Variants in DAB1 observed in about 807,000 individuals in gnomAD.
DAB1 encodes disabled homolog 1.
DAB1 carries 15 observed loss-of-function variants against 64.6 expected under a neutral mutation model. The ratio of observed to expected loss-of-function variants is 0.23; its 90% CI spans 0.16 to 0.36. DAB1 has a LOEUF of 0.36. Ranked by LOEUF, DAB1 falls within the 10% of genes least tolerant of loss-of-function variation. The probability of loss-of-function intolerance (pLI) is 1.00; values close to 1 mark genes in which losing one functional copy is unlikely to be tolerated. For synonymous variants in DAB1, 235 were observed against 251.9 expected (o/e 0.93, Z 0.64); for missense variants, 596 against 706.7 (o/e 0.84, Z 1.78).
chr1:57,153,654 T>G (rs954221272), intron 2 of DAB1, among the ~76,000 whole-genome samples: 1 of 152,056 alleles, frequency 6.6e-6, no homozygotes, highest in African/African-American at 2.4e-5. Context: ...TTGTTTGTTT[T>G]TGAGACGGAG....
chr1:57,661,140 A>AT lies in DAB1; in HGVS notation n.552-11476_552-11475insA, dbSNP rs535284882. Among the ~76,000 whole-genome samples, 372 of 152,128 alleles carry AT rather than the reference A, an allele frequency of 2.4e-3. 2 individuals carry two copies. Among genetic ancestry groups the AT allele is most frequent in the African/African-American group, 8.8e-3 (364 of 41,482 alleles). On this transcript the variant is annotated intron_variant and non_coding_transcript_variant, in intron 6 of 20. Transcript: ENST00000485760. ...TTGGATAGTCTGGGGGAAAAAAAAA[A>AT]GGTACTAGTGAAGAAATTTTCTCAC...
At chr1:57,670,053 G>A (rs1646492458) in intron 6 of DAB1, among the ~76,000 whole-genome samples, 1 of 152,094 alleles carries the variant, frequency 6.6e-6, no homozygotes, top group East Asian at 1.9e-4. Flanking sequence ...AAGGGTATCT[G>A]TATATTTATT....
chr1:58,255,093 C>A (rs1293087571), intron 4 of DAB1, among the ~76,000 whole-genome samples: 1 of 126,490 alleles, frequency 7.9e-6, no homozygotes, highest in African/African-American at 3.2e-5. Context: ...GATTGCCATT[C>A]TAACTGGTGT....
intron 4 of DAB1, among the ~76,000 whole-genome samples, chr1:57,073,093 C>G (rs543972150): frequency 6.6e-6 from 1 of 152,306 alleles, no homozygotes; most frequent in South Asian, 2.1e-4. Context: ...AGTGAAACTT[C>G]CTCTGAACAA....
At chr1:58,166,756 T>C (rs922386915) in intron 4 of DAB1, among the ~76,000 whole-genome samples, 2 of 151,742 alleles carry the variant, frequency 1.3e-5, no homozygotes, top group Non-Finnish European at 2.9e-5. Context: ...GTTCGTTTTT[T>C]TTTTTTTTTA....
chr1:57,417,603 C>A (rs1193477830), intron 1 of DAB1, among the ~76,000 whole-genome samples: 1 of 152,150 alleles, frequency 6.6e-6, no homozygotes, highest in African/African-American at 2.4e-5. Context: ...TTTAACATAT[C>A]AGTAAATACC....
chr1:58,353,178 T>G (rs1246753877), intron 3 of DAB1, among the ~76,000 whole-genome samples: 7 of 152,182 alleles, frequency 4.6e-5, no homozygotes, highest in Non-Finnish European at 1.0e-4. Context: ...AATATTTTTT[T>G]CTGATCAAAT....
chr1:58,208,726 T>C (rs1658406300), intron 4 of DAB1, among the ~76,000 whole-genome samples: 1 of 152,202 alleles, frequency 6.6e-6, no homozygotes, highest in African/African-American at 2.4e-5. Flanking sequence ...GCTTTTGCAA[T>C]TGTGAATGGT....
intron 3 of DAB1, among the ~76,000 whole-genome samples, chr1:58,354,573 T>C (rs1644091271): frequency 6.6e-6 from 1 of 152,184 alleles, no homozygotes; most frequent in Non-Finnish European, 1.5e-5. Context: ...GGTCTTTTCT[T>C]AAAGGTCTTT....
At chr1:57,909,225 A>G (rs553914519) in intron 5 of DAB1, among the ~76,000 whole-genome samples, 17 of 152,276 alleles carry the variant, frequency 1.1e-4, no homozygotes, top group African/African-American at 3.6e-4. Context: ...GGTGAGTCAC[A>G]TTTCCACTCT....
At chr1:57,335,650 C>A (rs1158755735) in intron 1 of DAB1, among the ~76,000 whole-genome samples, 1 of 152,112 alleles carries the variant, frequency 6.6e-6, no homozygotes, top group African/African-American at 2.4e-5. Flanking sequence ...TGCATAATTC[C>A]TTGAAATTTA....
intron 3 of DAB1, among the ~76,000 whole-genome samples, chr1:58,478,835 T>C (rs1401017805): frequency 6.6e-6 from 1 of 152,208 alleles, no homozygotes; most frequent in Non-Finnish European, 1.5e-5. Context: ...CAGCCTATCA[T>C]CTAAATCCTA....
At chr1:57,698,112 G>T (rs1342217460) in intron 6 of DAB1, among the ~76,000 whole-genome samples, 2 of 150,460 alleles carry the variant, frequency 1.3e-5, no homozygotes, top group East Asian at 2.0e-4. Context: ...TTTAGACAGG[G>T]TCTTGTTCTG....
chr1:58,155,317 A>G (rs1337149308), intron 4 of DAB1, among the ~76,000 whole-genome samples: 1 of 152,214 alleles, frequency 6.6e-6, no homozygotes, highest in Non-Finnish European at 1.5e-5. Flanking sequence ...CAATGTCTGA[A>G]GACAGTCTTA....
At chr1:57,087,336 C>T (rs531908136) in intron 4 of DAB1, among the ~76,000 whole-genome samples, 11 of 152,334 alleles carry the variant, frequency 7.2e-5, no homozygotes, top group East Asian at 5.8e-4. Flanking sequence ...GTAATCAGGG[C>T]AAGTTAGCCT....
intron 4 of DAB1, among the ~76,000 whole-genome samples, chr1:58,170,371 C>G (rs1285797278): frequency 6.6e-6 from 1 of 152,174 alleles, no homozygotes; most frequent in Admixed American, 6.5e-5. Flanking sequence ...ATAGACTCCC[C>G]TGTCACCCAA....
At chr1:57,583,323 GTA>G (rs1170300378) in intron 7 of DAB1, among the ~76,000 whole-genome samples, 2 of 136,268 alleles carry the variant, frequency 1.5e-5, no homozygotes, top group African/African-American at 5.6e-5. Context: ...ATCTCGCCCT[GTA>G]GCCCAGGCTG....
intron 7 of DAB1, among the ~76,000 whole-genome samples, chr1:57,610,892 G>A (rs1645717826): frequency 6.6e-6 from 1 of 152,156 alleles, no homozygotes; most frequent in South Asian, 2.1e-4. Context: ...TCTTGCATGT[G>A]ATCTGATTGA....
intron 6 of DAB1, among the ~76,000 whole-genome samples, chr1:57,674,560 G>A (rs774360889): frequency 3.3e-5 from 5 of 152,062 alleles, no homozygotes; most frequent in East Asian, 3.9e-4. Context: ...AGGGGTCAGC[G>A]GTCTTGTAGA....
Sources: gnomAD v4.1 joint callset for allele counts (sites outside exome capture counted in the v4.1 genomes callset) on GRCh38, gnomAD v4.1.1 for gene constraint, MANE v1.5 for transcripts, NCBI Gene and HGNC (gene_info 2026-07-23, HGNC 2026-07-21) for gene names.